Variants in SETD7 observed in about 807,000 individuals in gnomAD.
The protein encoded by SETD7 is SET domain containing 7, histone lysine methyltransferase, also known as histone-lysine N-methyltransferase SETD7.
Under a neutral mutation model 41.8 loss-of-function variants are expected in SETD7, and 16 were observed. That is an observed-to-expected ratio of 0.38 (90% CI 0.26 to 0.58). The LOEUF (loss-of-function observed/expected upper bound fraction) is 0.58. Among genes scored for constraint, SETD7 ranks in the 20% least tolerant of loss-of-function variants. The pLI, the probability that SETD7 is intolerant of heterozygous loss-of-function variation, is 0.64. For missense variants in SETD7, 346 were observed against 459.7 expected, an observed-to-expected ratio of 0.75 and a Z score of 2.26; for synonymous variants, 163 against 169.7, an observed-to-expected ratio of 0.96 and a Z score of 0.31.
chr4:139,520,633 C>T (rs1727153923), intron 5 of SETD7, among the ~76,000 whole-genome samples: 1 of 152,170 alleles, frequency 6.6e-6, no homozygotes, highest in South Asian at 2.1e-4. Flanking sequence ...TAGAAATTAT[C>T]ATTATATTTT....
downstream of SETD7, among the ~76,000 whole-genome samples, chr4:139,504,242 T>C (rs1726650796): frequency 6.6e-6 from 1 of 152,256 alleles, no homozygotes; most frequent in South Asian, 2.1e-4. Context: ...ATTAATCTTT[T>C]TCCGTGTACA....
At chr4:139,505,401 C>T (rs1301080802), downstream of SETD7, among the ~76,000 whole-genome samples, 1 of 152,134 alleles carries the variant, frequency 6.6e-6, no homozygotes, top group Admixed American at 6.5e-5. Context: ...CCAGCCTCGC[C>T]AACATGGTGA....
At chr4:139,518,082 C>A in intron 6 of SETD7, 40 bp from the exon 7 acceptor site, 1 of 1,587,824 alleles carries the variant, frequency 6.3e-7, no homozygotes, top group Non-Finnish European at 8.6e-7. Context: ...GAGGACCTTT[C>A]TCCCCAAAGG....
chr4:139,540,636 G>A (rs1210705335), intron 2 of SETD7, among the ~76,000 whole-genome samples: 1 of 152,140 alleles, frequency 6.6e-6, no homozygotes, highest in Non-Finnish European at 1.5e-5. Context: ...TGAAGACCAC[G>A]TGTCCAGTGT....
chr4:139,551,331 G>A (rs1359753237), intron 1 of SETD7, among the ~76,000 whole-genome samples: 1 of 152,224 alleles, frequency 6.6e-6, no homozygotes. Flanking sequence ...TGTTTTTAAG[G>A]TTGCCGGAGC....
intron 1 of SETD7, among the ~76,000 whole-genome samples, chr4:139,548,383 C>A (rs1293390398): frequency 2.0e-5 from 3 of 152,208 alleles, no homozygotes; most frequent in Non-Finnish European, 4.4e-5. Flanking sequence ...ATAATCCCAG[C>A]ACTTTGGGAG....
intron 2 of SETD7, among the ~76,000 whole-genome samples, chr4:139,534,197 A>G (rs952078678): frequency 6.6e-6 from 1 of 152,180 alleles, no homozygotes; most frequent in Admixed American, 6.5e-5. Flanking sequence ...AAGTTCAGGA[A>G]CATGTTTTCA....
At position 139,533,266 on chromosome 4, in the gene SETD7, G is replaced by A. The variant is rs371186095; in HGVS notation, c.271C>T (p.Leu91=). The A allele has an allele frequency of 3.2e-5, 52 of 1,614,012 alleles. No homozygotes were observed. The highest frequency in any genetic ancestry group is 4.2e-5 in the Non-Finnish European group (50 of 1,179,998). ...TCATATTCCTGGGCTGGACCGTTCAGCTCTCCGTCTACATACGTGCCCTGG... is the reference window on the plus strand; with the variant it reads ...TCATATTCCTGGGCTGGACCGTTCAACTCTCCGTCTACATACGTGCCCTGG... The part of the protein sequence containing the change: ...VLQGTYVDGE[L]NGPAQEYDTD... Residue 91 remains leucine (L), a synonymous_variant, in exon 3 of 8, where the codon CTG becomes TTG. Transcript: ENST00000274031.
At chr4:139,544,679 C>CT (rs1300331750) in intron 2 of SETD7, among the ~76,000 whole-genome samples, 2 of 152,172 alleles carry the variant, frequency 1.3e-5, no homozygotes, top group Non-Finnish European at 2.9e-5. Context: ...CATCAGTACT[C>CT]TGTGTATCAG....
intron 7 of SETD7, among the ~76,000 whole-genome samples, chr4:139,514,874 T>A (rs542688944): frequency 6.6e-6 from 1 of 152,292 alleles, no homozygotes; most frequent in South Asian, 2.1e-4. Flanking sequence ...TGTTAAAGTG[T>A]ACATATCAGG....
intron 3 of SETD7, among the ~76,000 whole-genome samples, chr4:139,532,348 A>G (rs1727507359): frequency 6.6e-6 from 1 of 152,206 alleles, no homozygotes; most frequent in South Asian, 2.1e-4. Flanking sequence ...CTGAGGTGGG[A>G]AGATGGCTTG....
At chr4:139,520,463 A>T in intron 5 of SETD7, 69 bp from the exon 6 acceptor site, 2 of 834,028 alleles carry the variant, frequency 2.4e-6, no homozygotes, top group Non-Finnish European at 3.8e-6. Flanking sequence ...TCAACTGCCA[A>T]AATATCATTA....
rs755389236 is a variant in SETD7, at chr4:139,511,883, C to G, written c.921-40G>C. On this transcript the variant is annotated intron_variant, in intron 7 of 7. Coordinates refer to ENST00000274031, the MANE Select transcript of SETD7 (RefSeq NM_030648.4). Reference sequence around the variant, plus strand: ...GCACACAGTCATTCCCGGGCCAGACCAGGAGGTTGGAAGCAAAGGCTAGGG... The same window carrying G: ...GCACACAGTCATTCCCGGGCCAGACGAGGAGGTTGGAAGCAAAGGCTAGGG... The G allele has an allele frequency of 7.0e-6, 11 of 1,578,384 alleles. No individual in the cohort carries two copies. In the East Asian group the frequency reaches 2.2e-4, roughly 32 times the overall value.
At chr4:139,520,418 AG>A in intron 5 of SETD7, 24 bp from the exon 6 acceptor site, 1 of 1,411,208 alleles carries the variant, frequency 7.1e-7, no homozygotes, top group Non-Finnish European at 9.9e-7. Flanking sequence ...AGAGTTGAAT[AG>A]TGACCTTTTC....
intron 7 of SETD7, among the ~76,000 whole-genome samples, chr4:139,516,590 A>G (rs1188376455): frequency 6.6e-6 from 1 of 152,128 alleles, no homozygotes; most frequent in Non-Finnish European, 1.5e-5. Context: ...TGTAAGCTCC[A>G]CACCAATGGA....
rs1444371927 is a variant in SETD7 at position 139,508,571 on chromosome 4, T to C, written c.*3092A>G. The stretch of plus-strand genomic sequence containing the variant: ...AGGGAAGATCTGGTCATGCAGGAGT[T>C]GGACTGAGACAGCTCTGAGTGAATC... On this transcript the variant is annotated 3_prime_UTR_variant, in exon 8 of 8. Transcript: ENST00000274031. The C allele has an allele frequency of 6.6e-6, 1 of 152,228 alleles. No homozygotes were observed. Among genetic ancestry groups the C allele is most frequent in the Admixed American group, 6.5e-5 (1 of 15,282 alleles). The allele number at this position is 152,228 out of a possible 1,614,324, so 9.4% of individuals were successfully genotyped here.
At chr4:139,542,389 AG>A (rs1179971928) in intron 2 of SETD7, among the ~76,000 whole-genome samples, 1 of 152,202 alleles carries the variant, frequency 6.6e-6, no homozygotes, top group African/African-American at 2.4e-5. Context: ...AGCTAGAAGA[AG>A]GGATTTTGAA....
chr4:139,497,596 T>TG (rs1365654309), intron 7 of SETD7, among the ~76,000 whole-genome samples: 141 of 150,308 alleles, frequency 9.4e-4, no homozygotes, highest in African/African-American at 3.0e-3. Context: ...TTTGTTTTTT[T>TG]GTTTTTTTTT....
chr4:139,547,179 C>G, intron 1 of SETD7, 130 bp from the exon 2 acceptor site: 2 of 1,193,830 alleles, frequency 1.7e-6, no homozygotes, highest in Non-Finnish European at 2.3e-6. Context: ...GGTCCCCTCC[C>G]TGGAAAGAAA....
Sources: allele counts gnomAD v4.1 joint callset (sites outside exome capture counted in the v4.1 genomes callset), GRCh38; gene constraint gnomAD v4.1.1; transcripts MANE v1.5; gene names NCBI Gene and HGNC (gene_info 2026-07-23, HGNC 2026-07-21).